The following PEX12 variants were observed in gnomAD, a reference collection of about 807,000 sequenced individuals.
The protein encoded by PEX12 is peroxisome assembly protein 12.
PEX12 carries 31 observed loss-of-function variants against 32.5 expected under a neutral mutation model. The observed-to-expected ratio is 0.95, with a 90% CI of 0.72 to 1.29. The LOEUF is 1.29. Among genes scored for constraint, PEX12 ranks in the 50% most tolerant of loss-of-function variants. The probability of loss-of-function intolerance (pLI) is 0.00; values close to 1 mark genes in which losing one functional copy is unlikely to be tolerated. For missense variants in PEX12, 359 were observed against 419.0 expected, an observed-to-expected ratio of 0.86 and a Z score of 1.25; for synonymous variants, 148 against 157.2, an observed-to-expected ratio of 0.94 and a Z score of 0.44.
rs750863211 is a variant in PEX12, at chr17:35,577,969, G to A, written c.53C>T (p.Pro18Leu). The A allele has an allele frequency of 1.2e-6, 2 of 1,614,158 alleles. No individual in the cohort carries two copies. Among genetic ancestry groups the A allele is most frequent in the Admixed American group, 3.3e-5 (2 of 60,028 alleles). Residue 18 changes from proline to leucine, a missense_variant, in exon 1 of 3, where the codon CCA becomes CTA. By Grantham distance (98) the Pro-to-Leu change is moderately conservative (BLOSUM62 -3). Coordinates refer to ENST00000225873, the MANE Select transcript of PEX12 (RefSeq NM_000286.3). The stretch of plus-strand genomic sequence containing the variant: ...CTGTGCTACCACCTCAAAGATGGAT[G>A]GCTGGTCATCGGCCACAGAAGCAGC... ...FTAASVADDQ[P>L]SIFEVVAQDS...
rs543169335 is a variant in PEX12, at chr17:35,578,159, A to G, written c.-138T>C. 2.5e-5 allele frequency: 27 copies of G among 1,099,162 alleles called. No individual in the cohort carries two copies. The African/African-American group carries it at 4.1e-4, about 17-fold the overall frequency. 68.1% of individuals were successfully genotyped at this position (1,099,162 alleles called of 1,614,324 possible). ...CATGATATCTGAAACTCGAAACTCAATCTTATGGGCAAAAATGAACTGGGA... is the reference window on the plus strand; with the variant it reads ...CATGATATCTGAAACTCGAAACTCAGTCTTATGGGCAAAAATGAACTGGGA... On this transcript the variant is annotated 5_prime_UTR_variant, in exon 1 of 3. Transcript: ENST00000225873.
chr17:35,575,668 G>T lies in PEX12; in HGVS notation c.*114C>A. On this transcript the variant is annotated 3_prime_UTR_variant, in exon 3 of 3. Coordinates refer to ENST00000225873, the MANE Select transcript of PEX12 (RefSeq NM_000286.3). ...AAAGAAATCCATATAATCATTTAAA[G>T]TTCATATAGTTATGAATTGAGGCTG... 1.0e-6 allele frequency: 1 copy of T among 1,000,450 alleles called. No individual in the cohort carries two copies. Among genetic ancestry groups the T allele is most frequent in the Non-Finnish European group, 1.6e-6 (1 of 622,582 alleles). 62.0% of individuals were successfully genotyped at this position (1,000,450 alleles called of 1,614,324 possible).
In PEX12 at chr17:35,576,102, C is replaced by T; in HGVS notation, c.760G>A (p.Gly254Ser). ...ALSLSTGLSV[G>S]VFFLQFLDWW... ...TCAAGGAACTGCAAGAAGAATACAC[C>T]CACAGAAAGGCCAGTAGACAGGGAT... The change falls in exon 3 of 3, where the codon GGT becomes AGT. Residue 254 changes from glycine (G) to serine (S), a missense_variant. Coordinates refer to ENST00000225873, the MANE Select transcript of PEX12 (RefSeq NM_000286.3). 1 of 1,614,058 alleles carries T rather than the reference C, an allele frequency of 6.2e-7. No homozygotes were observed. Among genetic ancestry groups the T allele is most frequent in the Non-Finnish European group, 8.5e-7 (1 of 1,180,012 alleles).
Position 35,578,074 on chromosome 17 carries a change from T to C in PEX12, c.-53A>G, listed in dbSNP as rs1597923956. On this transcript the variant is annotated 5_prime_UTR_variant, in exon 1 of 3. It removes an upstream start codon present in the reference 5' UTR. Transcript: ENST00000225873. ...TTTCCCACAAACTCTCTCGTGAGCA[T>C]GAACTTTTTCGGGAGGAAGAGTATC... 2.5e-6 allele frequency: 4 copies of C among 1,612,422 alleles called. No individual in the cohort carries two copies. Among genetic ancestry groups the C allele is most frequent in the East Asian group, 2.2e-5 (1 of 44,816 alleles).
rs996074460 is a variant in PEX12, at chr17:35,577,500, T to C, written c.218A>G (p.His73Arg). ...TGAGGCACTGGTTCTAGACAGATAA[T>C]GTTGCTGGAGCAGAAGATCTAGCAG... is the stretch of plus-strand genomic sequence containing the variant. ...FTLLDLLLQQHYLSRTSASFS... is the reference protein window; with the variant it reads ...FTLLDLLLQQRYLSRTSASFS... The change falls in exon 2 of 3, where the codon CAT becomes CGT. Residue 73 changes from histidine (H) to arginine (R), a missense_variant. By Grantham distance (29) the His-to-Arg change is conservative. Transcript: ENST00000225873. 6.2e-7 allele frequency: 1 copy of C among 1,613,940 alleles called. No homozygotes were observed. Among genetic ancestry groups the C allele is most frequent in the Non-Finnish European group, 8.5e-7 (1 of 1,179,936 alleles).
Position 35,577,475 on chromosome 17 carries a change from T to C in PEX12, c.243A>G (p.Ser81=). The change falls in exon 2 of 3, where the codon TCA becomes TCG. Residue 81 remains serine (S), a synonymous_variant. Coordinates refer to ENST00000225873, the MANE Select transcript of PEX12 (RefSeq NM_000286.3). The part of the protein sequence containing the change: ...QQHYLSRTSA[S]FSENFYGLKR... ...TTAAGCCGTAAAAGTTTTCAGAAAA[T>C]GAGGCACTGGTTCTAGACAGATAAT... The C allele has an allele frequency of 6.2e-7, 1 of 1,614,036 alleles. No homozygotes were observed. The highest frequency in any genetic ancestry group is 1.1e-5 in the South Asian group (1 of 91,076).
intron 2 of PEX12, among the ~76,000 whole-genome samples, chr17:35,576,562 G>A (rs140983932): frequency 6.6e-6 from 1 of 151,974 alleles, no homozygotes; most frequent in African/African-American, 2.4e-5. Flanking sequence ...TGAACTTGTA[G>A]GAGAACACAA....
chr17:35,577,517 A>G lies in PEX12; in HGVS notation c.201T>C (p.Asp67=), dbSNP rs200758754. The part of the protein sequence containing the change: ...RWFDEIFTLL[D]LLLQQHYLSR... ...ACAGATAATGTTGCTGGAGCAGAAG[A>G]TCTAGCAGAGTAAAGATTTCATCAA... The change falls in exon 2 of 3, where the codon GAT becomes GAC. Residue 67 remains aspartate (D), a synonymous_variant. Transcript: ENST00000225873. 6.2e-7 allele frequency: 1 copy of G among 1,613,808 alleles called. No homozygotes were observed. The highest frequency in any genetic ancestry group is 8.5e-7 in the Non-Finnish European group (1 of 1,179,928).
chr17:35,577,701 A>G, intron 1 of PEX12, 110 bp from the exon 2 acceptor site: 1 of 1,333,320 alleles, frequency 7.5e-7, no homozygotes, highest in Admixed American at 1.7e-5. Flanking sequence ...TAAATAAGTC[A>G]CTGTTGGACC....
chr17:35,575,774 A>AT lies in PEX12; in HGVS notation c.*7dup. 4 of 1,613,882 alleles carry AT rather than the reference A, an allele frequency of 2.5e-6. No individual in the cohort carries two copies. The highest frequency in any genetic ancestry group is 3.4e-6 in the Non-Finnish European group (4 of 1,179,720). On this transcript the variant is annotated 3_prime_UTR_variant, in exon 3 of 3. Coordinates refer to ENST00000225873, the MANE Select transcript of PEX12 (RefSeq NM_000286.3). ...ACTTTTGTTGTGAGGATAAGACATG[A>AT]TTCCCTTTCAGTTCTCAGGGGAGTA...
At position 35,577,979 on chromosome 17, in the gene PEX12, C is replaced by A; in HGVS notation, c.43G>T (p.Asp15Tyr). The A allele has an allele frequency of 6.2e-7, 1 of 1,614,140 alleles. No homozygotes were observed. The highest frequency in any genetic ancestry group is 8.5e-7 in the Non-Finnish European group (1 of 1,180,010). ...ACCTCAAAGATGGATGGCTGGTCAT[C>A]GGCCACAGAAGCAGCTGTGAAGTGA... Reference protein sequence around the residue: ...GAHFTAASVADDQPSIFEVVA... With the variant: ...GAHFTAASVAYDQPSIFEVVA... The change falls in exon 1 of 3, where the codon GAT becomes TAT. Residue 15 changes from aspartate (D) to tyrosine (Y), a missense_variant. Coordinates refer to ENST00000225873, the MANE Select transcript of PEX12 (RefSeq NM_000286.3).
rs2072777338 is a variant in PEX12 at position 35,575,212 on chromosome 17, A to G, written c.*570T>C. ...ACCTTTTTTATCCTTAAAAGCTGAT[A>G]AACAATAGATGTCACTTAACAAATG... On this transcript the variant is annotated 3_prime_UTR_variant, in exon 3 of 3. Transcript: ENST00000225873. 6.9e-6 allele frequency: 1 copy of G among 144,788 alleles called. No homozygotes were observed. The highest frequency in any genetic ancestry group is 2.6e-5 in the African/African-American group (1 of 39,118). The allele number at this position is 144,788 out of a possible 1,614,324, so 9.0% of individuals were successfully genotyped here.
intron 1 of PEX12, 90 bp from the exon 2 acceptor site, chr17:35,577,681 C>A: frequency 7.0e-7 from 1 of 1,431,730 alleles, no homozygotes; most frequent in Non-Finnish European, 9.7e-7. Context: ...AAAGTCTACA[C>A]AATTTGTTTT....
At chr17:35,576,883 C>T (rs756812723) in intron 2 of PEX12, among the ~76,000 whole-genome samples, 155 bp downstream of exon 2, 2 of 152,132 alleles carry the variant, frequency 1.3e-5, no homozygotes, top group African/African-American at 4.8e-5. Context: ...ATGAAGGTTA[C>T]CAGGATGACA....
At position 35,578,243 on chromosome 17, in the gene PEX12, A is replaced by G. The variant is rs1209827649; in HGVS notation, c.-222T>C. 2 of 528,934 alleles carry G rather than the reference A, an allele frequency of 3.8e-6. No individual in the cohort carries two copies. Among genetic ancestry groups the G allele is most frequent in the Non-Finnish European group, 6.9e-6 (2 of 287,870 alleles). The allele number at this position is 528,934 out of a possible 1,614,324, so 32.8% of individuals were successfully genotyped here. Reference sequence around the variant, plus strand: ...AAGGTTAAGAACAAAGTTAACTCGGACGTGGGTGGAAGTAGTATGTGGCGA... The same window carrying G: ...AAGGTTAAGAACAAAGTTAACTCGGGCGTGGGTGGAAGTAGTATGTGGCGA... On this transcript the variant is annotated 5_prime_UTR_variant, in exon 1 of 3. Coordinates refer to ENST00000225873, the MANE Select transcript of PEX12 (RefSeq NM_000286.3).
chr17:35,577,682 A>C (rs1428007189), intron 1 of PEX12, 91 bp from the exon 2 acceptor site: 2 of 1,423,308 alleles, frequency 1.4e-6, no homozygotes. Flanking sequence ...AAGTCTACAC[A>C]ATTTGTTTTA....
intron 1 of PEX12, 144 bp downstream of exon 1, chr17:35,577,752 A>G: frequency 1.5e-6 from 2 of 1,329,034 alleles, no homozygotes; most frequent in Non-Finnish European, 2.1e-6. Context: ...TACACATAAC[A>G]GAGACTCAGT....
Position 35,577,026 on chromosome 17 carries a change from T to A in PEX12, c.680+12A>T, listed in dbSNP as rs2072789144. ...ACTAACTAAAGATCTTTTGGAAATG[T>A]TAAGGCCTTACCTCCTGGCTGGTTG... On this transcript the variant is annotated intron_variant, in intron 2 of 2. Coordinates refer to ENST00000225873, the MANE Select transcript of PEX12 (RefSeq NM_000286.3). 1 of 1,612,782 alleles carries A rather than the reference T, an allele frequency of 6.2e-7. No individual in the cohort carries two copies. The highest frequency in any genetic ancestry group is 1.7e-5 in the Admixed American group (1 of 59,998).
At position 35,577,375 on chromosome 17, in the gene PEX12, T is replaced by G. The variant is rs2072792094; in HGVS notation, c.343A>C (p.Lys115Gln). 1 of 1,613,664 alleles carries G rather than the reference T, an allele frequency of 6.2e-7. No homozygotes were observed. Among genetic ancestry groups the G allele is most frequent in the African/African-American group, 1.3e-5 (1 of 74,898 alleles). Residue 115 changes from lysine to glutamine, a missense_variant, in exon 2 of 3, where the codon AAA becomes CAA. By Grantham distance (53) the Lys-to-Gln change is moderately conservative. Transcript: ENST00000225873. ...SAGLPKQQLW[K>Q]SIMFLVLLPY... ...AGAAGAACCAGGAACATAATAGATT[T>G]CCAAAGCTGCTGCTTTGGGAGACCA...
Sources: gnomAD v4.1 joint callset for allele counts (sites outside exome capture counted in the v4.1 genomes callset) on GRCh38, gnomAD v4.1.1 for gene constraint, MANE v1.5 for transcripts, NCBI Gene and HGNC (gene_info 2026-07-23, HGNC 2026-07-21) for gene names.